Variants in ERC2 observed in about 807,000 individuals in gnomAD.
The protein encoded by ERC2 is ERC protein 2.
A neutral mutation model predicts 114.8 loss-of-function variants in ERC2; 42 were observed. That is an observed-to-expected ratio of 0.37 (90% CI 0.29 to 0.47). The LOEUF (loss-of-function observed/expected upper bound fraction) is 0.47. Ranked by LOEUF, ERC2 falls within the 20% of genes least tolerant of loss-of-function variation. The probability of loss-of-function intolerance (pLI) is 0.99; values close to 1 mark genes in which losing one functional copy is unlikely to be tolerated. For missense variants in ERC2, 939 were observed against 1,150.7 expected, an observed-to-expected ratio of 0.82 and a Z score of 2.66; for synonymous variants, 454 against 425.5, an observed-to-expected ratio of 1.07 and a Z score of -0.82.
At chr3:55,599,678 T>C (rs549767851) in intron 17 of ERC2, among the ~76,000 whole-genome samples, 2 of 152,288 alleles carry the variant, frequency 1.3e-5, no homozygotes, top group African/African-American at 4.8e-5. Flanking sequence ...AAAGGAAGAG[T>C]GACTACAGTC....
chr3:56,428,836 C>A (rs1419811171), intron 2 of ERC2, among the ~76,000 whole-genome samples: 1 of 152,198 alleles, frequency 6.6e-6, no homozygotes, highest in Non-Finnish European at 1.5e-5. Flanking sequence ...ACTTACACTT[C>A]TTGGGTTACG....
intron 7 of ERC2, among the ~76,000 whole-genome samples, chr3:56,075,776 G>T (rs1480707928): frequency 6.6e-6 from 1 of 152,122 alleles, no homozygotes; most frequent in African/African-American, 2.4e-5. Flanking sequence ...TAGGAGGTTT[G>T]CCAATAATAA....
chr3:55,830,573 T>C (rs996591367), intron 14 of ERC2, among the ~76,000 whole-genome samples: 1 of 152,134 alleles, frequency 6.6e-6, no homozygotes, highest in African/African-American at 2.4e-5. Context: ...TCAATTTACT[T>C]GAAGTAGTAA....
intron 3 of ERC2, among the ~76,000 whole-genome samples, chr3:56,193,318 G>A (rs1355275575): frequency 7.2e-5 from 11 of 152,090 alleles, no homozygotes; most frequent in African/African-American, 2.4e-5. Flanking sequence ...GATCAGCCTG[G>A]CCAACATGGC....
intron 16 of ERC2, among the ~76,000 whole-genome samples, chr3:55,685,357 T>C (rs767233776): frequency 6.6e-6 from 1 of 152,214 alleles, no homozygotes; most frequent in East Asian, 1.9e-4. Flanking sequence ...ATAAAACACA[T>C]TGATCATTTT....
intron 13 of ERC2, among the ~76,000 whole-genome samples, chr3:55,915,008 C>T (rs911888149): frequency 6.6e-6 from 1 of 152,154 alleles, no homozygotes; most frequent in African/African-American, 2.4e-5. Flanking sequence ...CAGATTCAGT[C>T]TTTTATAAAA....
At chr3:55,634,718 T>C (rs2059889092) in intron 17 of ERC2, among the ~76,000 whole-genome samples, 1 of 152,192 alleles carries the variant, frequency 6.6e-6, no homozygotes, top group South Asian at 2.1e-4. Flanking sequence ...ATTTATCACA[T>C]GGAGATGCTG....
chr3:55,903,095 G>A (rs1559844631), intron 13 of ERC2, among the ~76,000 whole-genome samples: 3 of 152,266 alleles, frequency 2.0e-5, no homozygotes, highest in Non-Finnish European at 4.4e-5. Flanking sequence ...CTGCCAGATT[G>A]TACCATTTAT....
intron 14 of ERC2, among the ~76,000 whole-genome samples, chr3:55,852,849 T>C (rs146454968): frequency 3.3e-5 from 5 of 152,330 alleles, no homozygotes; most frequent in South Asian, 2.1e-4. Context: ...CCCTAAATTA[T>C]TGGCATAGTC....
intron 3 of ERC2, among the ~76,000 whole-genome samples, chr3:56,227,090 G>A (rs899118557): frequency 6.6e-6 from 1 of 152,026 alleles, no homozygotes; most frequent in Non-Finnish European, 1.5e-5. Context: ...CACTGGCCCT[G>A]CTTGGATTCC....
chr3:55,680,901 C>T (rs942863608), intron 17 of ERC2, among the ~76,000 whole-genome samples: 6 of 152,044 alleles, frequency 3.9e-5, no homozygotes, highest in Non-Finnish European at 7.4e-5. Flanking sequence ...TAATTAGTGG[C>T]GCTGAGGGCA....
intron 5 of ERC2, among the ~76,000 whole-genome samples, chr3:56,144,555 A>G (rs1345295805): frequency 6.6e-6 from 1 of 152,224 alleles, no homozygotes; most frequent in African/African-American, 2.4e-5. Context: ...TACAAATACC[A>G]CAGTAGAAAG....
chr3:55,948,631 C>A (rs765924216), intron 13 of ERC2, among the ~76,000 whole-genome samples: 40 of 152,148 alleles, frequency 2.6e-4, no homozygotes, highest in Admixed American at 7.9e-4. Context: ...CAATTCCAGA[C>A]CATGCTATCT....
At chr3:55,858,035 A>C (rs931674725) in intron 14 of ERC2, among the ~76,000 whole-genome samples, 1 of 152,248 alleles carries the variant, frequency 6.6e-6, no homozygotes, top group Non-Finnish European at 1.5e-5. Flanking sequence ...AATAATTTAT[A>C]GAAAGAGCAG....
In ERC2 at chr3:56,299,124, T is replaced by G. The variant is rs1222028689; in HGVS notation, c.658-2689A>C. ...TTTTTTTGTTTTTTTTTTTTGTTTTTTTTTTTGTTTGTTTGTTTTTTGAGA... is the reference window on the plus strand; with the variant it reads ...TTTTTTTGTTTTTTTTTTTTGTTTTGTTTTTTGTTTGTTTGTTTTTTGAGA... On this transcript the variant is annotated intron_variant, in intron 2 of 17. Transcript: ENST00000288221. Among the ~76,000 whole-genome samples the G allele has an allele frequency of 2.0e-3, 165 of 82,786 alleles. 1 individual carries two copies. Among genetic ancestry groups the G allele is most frequent in the African/African-American group, 5.3e-3 (154 of 29,034 alleles). 54.3% of individuals were successfully genotyped at this position (82,786 alleles called of 152,430 possible). A position where few individuals can be genotyped will look rare whatever the true frequency, so the allele number is the denominator to read the frequency against.
Position 56,247,223 on chromosome 3 carries a change from C to T in ERC2, c.1074+48796G>A, listed in dbSNP as rs75555712. Among the ~76,000 whole-genome samples, 83 of 152,172 alleles carry T rather than the reference C, an allele frequency of 5.5e-4. No homozygotes were observed. The East Asian group carries it at 0.013, about 24-fold the overall frequency. On this transcript the variant is annotated intron_variant, in intron 3 of 17. Coordinates refer to ENST00000288221, the MANE Select transcript of ERC2 (RefSeq NM_015576.3). ...ACAGCAAACATTAATTTCAACTAAG[C>T]GGGGGGTGGGGATCCCAACTCTTAT...
intron 2 of ERC2, among the ~76,000 whole-genome samples, chr3:56,363,993 T>C (rs1278490729): frequency 6.6e-6 from 1 of 152,210 alleles, no homozygotes; most frequent in Non-Finnish European, 1.5e-5. Flanking sequence ...AAAATCCAAA[T>C]TCTTTAGCAT....
At chr3:56,204,136 C>T (rs976950525) in intron 3 of ERC2, among the ~76,000 whole-genome samples, 1 of 152,118 alleles carries the variant, frequency 6.6e-6, no homozygotes, top group Non-Finnish European at 1.5e-5. Flanking sequence ...CTGCAGTGAG[C>T]CAAGATCACA....
At chr3:56,160,814 T>C (rs947558017) in intron 4 of ERC2, among the ~76,000 whole-genome samples, 1 of 152,244 alleles carries the variant, frequency 6.6e-6, no homozygotes, top group Non-Finnish European at 1.5e-5. Context: ...TTCTGGGTTC[T>C]CTATTCTATT....
Sources: allele counts gnomAD v4.1 joint callset (sites outside exome capture counted in the v4.1 genomes callset), GRCh38; gene constraint gnomAD v4.1.1; transcripts MANE v1.5; gene names NCBI Gene and HGNC (gene_info 2026-07-23, HGNC 2026-07-21).